The following MCC variants were observed in gnomAD, a reference collection of about 807,000 sequenced individuals.
MCC encodes the protein MCC regulator of Wnt signaling pathway, also known as colorectal mutant cancer protein.
A neutral mutation model predicts 116.2 loss-of-function variants in MCC; 90 were observed. The ratio of observed to expected loss-of-function variants is 0.77; its 90% CI spans 0.65 to 0.92. The LOEUF (loss-of-function observed/expected upper bound fraction) is 0.92, where lower values mean the gene tolerates loss of function less well. Ranked by LOEUF, MCC falls within the 40% of genes least tolerant of loss-of-function variation. MCC has a pLI of 0.00. For missense variants in MCC, 1,516 were observed against 1,312.2 expected (o/e 1.16, Z -2.40); for synonymous variants, 578 against 510.5 (o/e 1.13, Z -1.78).
chr5:113,242,845 C>A (rs1487390544), intron 3 of MCC, among the ~76,000 whole-genome samples: 1 of 152,172 alleles, frequency 6.6e-6, no homozygotes, highest in Non-Finnish European at 1.5e-5. Context: ...GAAAGCAAAG[C>A]CGTGACTTTA....
intron 3 of MCC, among the ~76,000 whole-genome samples, chr5:113,326,690 A>G (rs1767562627): frequency 6.6e-6 from 1 of 152,182 alleles, no homozygotes; most frequent in African/African-American, 2.4e-5. Context: ...TTCTCACTAC[A>G]CTATATGGAT....
chr5:113,055,640 G>A (rs1046951130), intron 14 of MCC, among the ~76,000 whole-genome samples: 5 of 152,212 alleles, frequency 3.3e-5, no homozygotes, highest in Non-Finnish European at 5.9e-5. Flanking sequence ...GAAGTCCCTT[G>A]GAGATAAGGT....
chr5:113,434,426 C>T lies in MCC; in HGVS notation c.171-49214G>A, dbSNP rs199835857. ...CCTTGTCAAGGAGAAGGTTGTCACACTTGAGGTCCCGGTGGACGACGTCCA... is the reference window on the plus strand; with the variant it reads ...CCTTGTCAAGGAGAAGGTTGTCACATTTGAGGTCCCGGTGGACGACGTCCA... On this transcript the variant is annotated intron_variant, in intron 1 of 18. Coordinates refer to ENST00000408903, the MANE Select transcript of MCC (RefSeq NM_001085377.2). The surrounding 1 kb of genome is among the most constrained non-coding windows in gnomAD (Gnocchi z 4.2). The T allele has an allele frequency of 1.8e-5, 29 of 1,613,950 alleles. No individual in the cohort carries two copies. The Admixed American group carries it at 3.0e-4, about 17-fold the overall frequency.
At chr5:113,102,172 C>G (rs1410431810) in intron 7 of MCC, among the ~76,000 whole-genome samples, 1 of 152,196 alleles carries the variant, frequency 6.6e-6, no homozygotes, top group Non-Finnish European at 1.5e-5. Flanking sequence ...TGGCAACCTT[C>G]AGAGTAAGAA....
chr5:113,175,133 G>A (rs978567059), intron 3 of MCC, among the ~76,000 whole-genome samples: 4 of 152,176 alleles, frequency 2.6e-5, no homozygotes, highest in African/African-American at 9.6e-5. Flanking sequence ...TGGTGGCCAT[G>A]TGTAGCTTTT....
intron 12 of MCC, among the ~76,000 whole-genome samples, chr5:113,069,675 T>TATCCTGCCTCAGC (rs1458292486): frequency 1.3e-5 from 2 of 152,194 alleles, no homozygotes; most frequent in African/African-American, 4.8e-5. Context: ...TTCACGCCAT[T>TATCCTGCCTCAGC]ATCCTGCCTC....
intron 3 of MCC, among the ~76,000 whole-genome samples, chr5:113,193,727 C>T (rs572119696): frequency 2.0e-5 from 3 of 152,156 alleles, no homozygotes; most frequent in Non-Finnish European, 4.4e-5. Context: ...ATCCACTCAT[C>T]CAGAGTTTAT....
At chr5:113,338,325 G>C (rs1318876771) in intron 3 of MCC, among the ~76,000 whole-genome samples, 1 of 152,144 alleles carries the variant, frequency 6.6e-6, no homozygotes. Context: ...ATATGACTGT[G>C]GGGTATGTGA....
At chr5:113,185,315 G>T (rs1405865585) in intron 3 of MCC, among the ~76,000 whole-genome samples, 1 of 151,986 alleles carries the variant, frequency 6.6e-6, no homozygotes. Context: ...AGCCCTAGAG[G>T]AAACAACTCT....
intron 8 of MCC, among the ~76,000 whole-genome samples, chr5:113,100,574 C>T (rs1414053799): frequency 2.1e-5 from 3 of 144,000 alleles, no homozygotes; most frequent in African/African-American, 5.1e-5. Context: ...CGGGTTCAAG[C>T]GATTCTCCTG....
chr5:113,048,799 C>T (rs1269318453), intron 16 of MCC: 8 of 499,372 alleles, frequency 1.6e-5, no homozygotes, highest in South Asian at 1.4e-4. Flanking sequence ...GAGGATTAGA[C>T]GAAGGAGGTG....
At chr5:113,267,193 C>T (rs1461302459) in intron 3 of MCC, among the ~76,000 whole-genome samples, 1 of 152,116 alleles carries the variant, frequency 6.6e-6, no homozygotes, top group Non-Finnish European at 1.5e-5. Context: ...CAACCCTCTG[C>T]TCCCTTTCTT....
rs1208521553 is a variant in MCC, at chr5:113,488,228, C to T, written c.170+17G>A. On this transcript the variant is annotated intron_variant, in intron 1 of 18. Transcript: ENST00000408903. ...CTGATCTCGCTCCTGTCGGTTTCCT[C>T]GTACCTCCCCGCGTACCTGCTGATG... The T allele has an allele frequency of 1.3e-6, 2 of 1,581,434 alleles. No homozygotes were observed. The highest frequency in any genetic ancestry group is 1.8e-5 in the Admixed American group (1 of 56,914).
At chr5:113,364,971 AGGGGCTGCTGTG>A (rs1768650068) in intron 2 of MCC, among the ~76,000 whole-genome samples, 3 of 152,110 alleles carry the variant, frequency 2.0e-5, no homozygotes, top group Non-Finnish European at 4.4e-5. Flanking sequence ...CTGTGATGAG[AGGGGCTGCTGTG>A]CAGGTTTCTG....
At chr5:113,152,801 C>G (rs1261275324) in intron 3 of MCC, among the ~76,000 whole-genome samples, 1 of 151,922 alleles carries the variant, frequency 6.6e-6, no homozygotes, top group Non-Finnish European at 1.5e-5. Flanking sequence ...GAGCAGCAAA[C>G]CAACAGATCA....
At chr5:113,098,168 G>C (rs6880195) in intron 8 of MCC, among the ~76,000 whole-genome samples, 28 of 152,272 alleles carry the variant, frequency 1.8e-4, no homozygotes, top group African/African-American at 6.5e-4. Context: ...AACACATTGG[G>C]GAAAGCGCTG....
intron 6 of MCC, among the ~76,000 whole-genome samples, chr5:113,121,043 C>G (rs1345541240): frequency 6.6e-6 from 1 of 151,692 alleles, no homozygotes; most frequent in Admixed American, 6.6e-5. Context: ...ATCTGTTGTA[C>G]AAACAAACTC....
At chr5:113,034,838 C>T (rs564428762) in intron 17 of MCC, among the ~76,000 whole-genome samples, 1 of 152,356 alleles carries the variant, frequency 6.6e-6, no homozygotes, top group African/African-American at 2.4e-5. Flanking sequence ...GGGCTGACAG[C>T]CTCTTTGCTC....
At chr5:113,172,791 C>A (rs1761140500) in intron 3 of MCC, among the ~76,000 whole-genome samples, 1 of 152,180 alleles carries the variant, frequency 6.6e-6, no homozygotes, top group Non-Finnish European at 1.5e-5. Context: ...TGTGAAATTG[C>A]CTTCTACCGA....
Sources: gnomAD v4.1 joint callset for allele counts (sites outside exome capture counted in the v4.1 genomes callset) on GRCh38, gnomAD v4.1.1 for gene constraint, Gnocchi (gnomAD v3.1) non-coding constraint, MANE v1.5 for transcripts, NCBI Gene and HGNC (gene_info 2026-07-23, HGNC 2026-07-21) for gene names.